The following FBXL22 variants were observed in gnomAD, a reference collection of about 807,000 sequenced individuals.
The protein encoded by FBXL22 is F-box and leucine-rich protein 22.
A neutral mutation model predicts 11.7 loss-of-function variants in FBXL22; 13 were observed. That is an observed-to-expected ratio of 1.11 (90% CI 0.73 to 1.77). The LOEUF (loss-of-function observed/expected upper bound fraction) is 1.77. Ranked by LOEUF, FBXL22 falls within the 40% of genes most tolerant of loss-of-function variation. The pLI is 0.00. For synonymous variants in FBXL22, 160 were observed against 144.1 expected, an observed-to-expected ratio of 1.11 and a Z score of -0.79; for missense variants, 406 against 320.4, an observed-to-expected ratio of 1.27 and a Z score of -2.04.
intron 1 of FBXL22, among the ~76,000 whole-genome samples, chr15:63,598,462 C>CA (rs1303231315): frequency 6.6e-6 from 1 of 152,214 alleles, no homozygotes; most frequent in Non-Finnish European, 1.5e-5. Flanking sequence ...CCACCCCAGA[C>CA]ACAGACATAG....
chr15:63,601,475 G>C (rs758165645), downstream of FBXL22: 3 of 1,558,488 alleles, frequency 1.9e-6, no homozygotes. Flanking sequence ...GGGAGCCTCC[G>C]GGCGGAGCGA....
intron 1 of FBXL22, among the ~76,000 whole-genome samples, chr15:63,598,787 G>C (rs78580477): frequency 0.03 from 4,504 of 152,270 alleles, 215 homozygotes; most frequent in African/African-American, 0.1. Context: ...GATGGACTTG[G>C]GGTTGGGCCC....
chr15:63,601,299 T>C, downstream of FBXL22: 2 of 1,584,282 alleles, frequency 1.3e-6, no homozygotes, highest in East Asian at 2.3e-5. Flanking sequence ...GCCCCAGGCT[T>C]TCTGCTGTGC....
chr15:63,603,776 G>T (rs913020215), downstream of FBXL22, among the ~76,000 whole-genome samples: 1 of 152,242 alleles, frequency 6.6e-6, no homozygotes, highest in Admixed American at 6.5e-5. Context: ...CCCTTTGTCA[G>T]GAGAGCCAGC....
chr15:63,600,487 T>C (rs911724850), intron 1 of FBXL22: 1 of 1,224,114 alleles, frequency 8.2e-7, no homozygotes, highest in Non-Finnish European at 1.0e-6. Context: ...CCCACGCAGA[T>C]GAAGGTACGG....
downstream of FBXL22, chr15:63,601,593 CAGA>C (rs1225420360): frequency 3.2e-6 from 5 of 1,577,846 alleles, no homozygotes; most frequent in South Asian, 1.1e-5. Flanking sequence ...GGCGCACGGG[CAGA>C]AGGAGCCACC....
At chr15:63,600,612 G>C in intron 1 of FBXL22, 85 bp from the exon 2 acceptor site, 1 of 1,230,348 alleles carries the variant, frequency 8.1e-7, no homozygotes. Flanking sequence ...AGTCCTCCTC[G>C]GTAAATGAGT....
chr15:63,602,585 CAAAAAAAA>C (rs35457809), downstream of FBXL22, among the ~76,000 whole-genome samples: 56 of 74,586 alleles, frequency 7.5e-4, no homozygotes, highest in South Asian at 8.1e-3. Context: ...ACTCTTGTCT[CAAAAAAAA>C]AAAAAAAAAA....
At chr15:63,606,587 C>T (rs1202443270), downstream of FBXL22, among the ~76,000 whole-genome samples, 1 of 152,170 alleles carries the variant, frequency 6.6e-6, no homozygotes, top group Non-Finnish European at 1.5e-5. Flanking sequence ...GGCACAGTGG[C>T]TCATGTGTGT....
chr15:63,601,558 G>A (rs917268370), downstream of FBXL22: 1 of 1,561,700 alleles, frequency 6.4e-7, no homozygotes. Flanking sequence ...GGTGATCTCG[G>A]TGAAGCAGGA....
At chr15:63,599,052 C>T (rs764941787) in intron 1 of FBXL22, 7 of 742,168 alleles carry the variant, frequency 9.4e-6, no homozygotes, top group Non-Finnish European at 1.6e-5. Flanking sequence ...TCTGCTGAGC[C>T]GCTCAGCTCG....
At chr15:63,608,160 A>G in the FBXL22 span, among the ~76,000 whole-genome samples, 2 of 152,118 alleles carry the variant, frequency 1.3e-5, no homozygotes, top group African/African-American at 2.4e-5. Flanking sequence ...CCCCACTGAG[A>G]CATGTTGTAA....
downstream of FBXL22, chr15:63,601,652 C>T (rs1442615491): frequency 6.2e-6 from 10 of 1,607,832 alleles, no homozygotes; most frequent in Non-Finnish European, 8.5e-6. Flanking sequence ...GTCTGCCCGC[C>T]CACCTTTCCT....
chr15:63,604,230 C>T (rs1405248528), downstream of FBXL22, among the ~76,000 whole-genome samples: 1 of 152,106 alleles, frequency 6.6e-6, no homozygotes, highest in African/African-American at 2.4e-5. Context: ...ACAAGGGAAC[C>T]TTGCTTTTGG....
In FBXL22 at chr15:63,597,731, C is replaced by T. The variant is rs559557825; in HGVS notation, c.339C>T (p.Leu113=). 1.3e-6 allele frequency: 2 copies of T among 1,583,446 alleles called. No individual in the cohort carries two copies. Among genetic ancestry groups the T allele is most frequent in the East Asian group, 2.3e-5 (1 of 44,338 alleles). ...AGAGCCTGGTCAATGATTTCCTCCT[C>T]CGGGTGTGCGACAGGTAGGCCACCT... ...RHESLVNDFL[L]RVCDRCPNLA... The change falls in exon 1 of 2, where the codon CTC becomes CTT. Residue 113 remains leucine, a synonymous_variant. Transcript: ENST00000638704. The surrounding 1 kb of genome is among the most constrained non-coding windows in gnomAD (Gnocchi z 4.3).
At chr15:63,601,828 A>C (rs943983481), downstream of FBXL22, 2 of 1,209,558 alleles carry the variant, frequency 1.7e-6, no homozygotes, top group African/African-American at 1.6e-5. Flanking sequence ...AAACAAAAAC[A>C]AAACCAGCAG....
downstream of FBXL22, among the ~76,000 whole-genome samples, chr15:63,603,841 G>A (rs2067399864): frequency 6.6e-6 from 1 of 152,214 alleles, no homozygotes; most frequent in Admixed American, 6.5e-5. Flanking sequence ...TAGCCTGTGA[G>A]ACACAGGCTG....
At chr15:63,603,710 G>A (rs2067398814), downstream of FBXL22, among the ~76,000 whole-genome samples, 1 of 152,214 alleles carries the variant, frequency 6.6e-6, no homozygotes, top group Admixed American at 6.5e-5. Context: ...CTCCGGGCTG[G>A]GGCAGTGCTT....
At chr15:63,601,248 T>G, downstream of FBXL22, 3 of 1,515,592 alleles carry the variant, frequency 2.0e-6, no homozygotes, top group Non-Finnish European at 2.6e-6. Context: ...AACACTCGGC[T>G]GGTTCTCACT....
Sources: allele counts gnomAD v4.1 joint callset (sites outside exome capture counted in the v4.1 genomes callset), GRCh38; gene constraint gnomAD v4.1.1; non-coding constraint Gnocchi (gnomAD v3.1); transcripts MANE v1.5; gene names NCBI Gene and HGNC (gene_info 2026-07-23, HGNC 2026-07-21).